The following BMPER variants were observed in gnomAD, a reference collection of about 807,000 sequenced individuals.
BMPER encodes the protein BMP binding endothelial regulator.
BMPER carries 45 observed loss-of-function variants against 87.3 expected under a neutral mutation model. The observed-to-expected ratio is 0.52, with a 90% CI of 0.41 to 0.66. The LOEUF (loss-of-function observed/expected upper bound fraction) is 0.66, where lower values mean the gene tolerates loss of function less well. Among genes scored for constraint, BMPER ranks in the 30% least tolerant of loss-of-function variants. The pLI is 0.00. For synonymous variants in BMPER, 326 were observed against 316.2 expected (o/e 1.03, Z -0.33); for missense variants, 784 against 867.5 (o/e 0.90, Z 1.21).
intron 6 of BMPER, among the ~76,000 whole-genome samples, chr7:34,040,960 C>T (rs1787816308): frequency 6.6e-6 from 1 of 152,130 alleles, no homozygotes; most frequent in African/African-American, 2.4e-5. Context: ...TTATCTAAGC[C>T]ATTTTGATAA....
intron 3 of BMPER, among the ~76,000 whole-genome samples, chr7:33,943,509 G>A (rs908618565): frequency 6.6e-6 from 1 of 152,148 alleles, no homozygotes; most frequent in African/African-American, 2.4e-5. Flanking sequence ...CAGGGAACCA[G>A]CTTGTCATTC....
intron 8 of BMPER, among the ~76,000 whole-genome samples, chr7:34,053,204 C>A: frequency 6.6e-6 from 1 of 152,200 alleles, no homozygotes; most frequent in East Asian, 1.9e-4. Context: ...ATAATTAATA[C>A]TCTTCCTCCA....
chr7:34,058,318 C>G (rs761870174), intron 10 of BMPER, among the ~76,000 whole-genome samples, 155 bp downstream of exon 10: 1 of 152,218 alleles, frequency 6.6e-6, no homozygotes, highest in Admixed American at 6.5e-5. Context: ...TTTGCTCATT[C>G]TTCTTGCAGA....
intron 13 of BMPER, among the ~76,000 whole-genome samples, chr7:34,141,708 A>G (rs1790878090): frequency 6.6e-6 from 1 of 151,696 alleles, no homozygotes; most frequent in South Asian, 2.1e-4. Context: ...GGTATCACTC[A>G]TCAAATAATC....
chr7:33,989,835 G>T (rs1786150889), intron 6 of BMPER, among the ~76,000 whole-genome samples: 1 of 152,178 alleles, frequency 6.6e-6, no homozygotes, highest in Non-Finnish European at 1.5e-5. Flanking sequence ...TCTACATGTG[G>T]CTATCCAGTT....
intron 6 of BMPER, among the ~76,000 whole-genome samples, chr7:34,039,551 G>T (rs2127954882): frequency 6.6e-6 from 1 of 151,402 alleles, no homozygotes; most frequent in Non-Finnish European, 1.5e-5. Flanking sequence ...GACCCCAAAT[G>T]TCAGGAGTGT....
intron 10 of BMPER, among the ~76,000 whole-genome samples, chr7:34,060,349 G>A (rs1788404157): frequency 6.6e-6 from 1 of 151,906 alleles, no homozygotes; most frequent in Non-Finnish European, 1.5e-5. Context: ...TCCTCTTGGG[G>A]CCGTCATTCC....
At chr7:33,973,250 A>C (rs970718626) in intron 5 of BMPER, among the ~76,000 whole-genome samples, 1 of 152,218 alleles carries the variant, frequency 6.6e-6, no homozygotes, top group African/African-American at 2.4e-5. Flanking sequence ...GTATGAAAGA[A>C]TTAAAGCTGC....
At chr7:34,105,480 A>C (rs1221662109) in intron 13 of BMPER, among the ~76,000 whole-genome samples, 1 of 152,228 alleles carries the variant, frequency 6.6e-6, no homozygotes, top group Admixed American at 6.5e-5. Context: ...TATTCTTGGA[A>C]ACCAAGTTCA....
At chr7:33,942,120 A>G (rs1235833878) in intron 3 of BMPER, among the ~76,000 whole-genome samples, 1 of 151,964 alleles carries the variant, frequency 6.6e-6, no homozygotes, top group African/African-American at 2.4e-5. Flanking sequence ...AGCTTACTAG[A>G]TGCTTCAGGT....
At chr7:33,921,382 A>T (rs560847266) in intron 2 of BMPER, among the ~76,000 whole-genome samples, 6 of 152,206 alleles carry the variant, frequency 3.9e-5, no homozygotes, top group Non-Finnish European at 8.8e-5. Context: ...AAGGCTCAGA[A>T]AAGAAAAAGC....
chr7:33,982,953 G>C lies in BMPER; in HGVS notation c.576+8169G>C, dbSNP rs190267629. Among the ~76,000 whole-genome samples, 50 of 152,238 alleles carry C rather than the reference G, an allele frequency of 3.3e-4. 1 individual carries two copies. In the East Asian group the frequency reaches 9.7e-3, roughly 29 times the overall value. On this transcript the variant is annotated intron_variant, in intron 6 of 14. Coordinates refer to ENST00000649409, the MANE Select transcript of BMPER (RefSeq NM_001365308.1). ...TCATTCAGTGTGAGGGCTTGATTTG[G>C]ACTGGGAAAATTTCATAATATGTTA...
intron 13 of BMPER, among the ~76,000 whole-genome samples, chr7:34,140,653 CAAT>C (rs36070340): frequency 0.73 from 111,316 of 151,876 alleles, 41,732 homozygotes; most frequent in East Asian, 0.91. Flanking sequence ...TCAACAGTCT[CAAT>C]GATTGGATTT....
intron 13 of BMPER, among the ~76,000 whole-genome samples, chr7:34,137,172 C>CT (rs1790740997): frequency 6.6e-6 from 1 of 152,100 alleles, no homozygotes; most frequent in Non-Finnish European, 1.5e-5. Flanking sequence ...TCATCAAATC[C>CT]TTTTTTTCCA....
At chr7:34,052,947 G>A (rs1788184720) in intron 8 of BMPER, among the ~76,000 whole-genome samples, 1 of 152,160 alleles carries the variant, frequency 6.6e-6, no homozygotes, top group Non-Finnish European at 1.5e-5. Context: ...TATGCTAAAT[G>A]TATAGCACCC....
chr7:33,995,458 C>T (rs1052767360), intron 6 of BMPER, among the ~76,000 whole-genome samples: 3 of 152,098 alleles, frequency 2.0e-5, no homozygotes, highest in Non-Finnish European at 4.4e-5. Flanking sequence ...CCTCCTGTTG[C>T]AAGGCTCTAT....
At position 34,079,143 on chromosome 7, in the gene BMPER, C is replaced by A. The variant is rs748130726; in HGVS notation, c.1365C>A (p.His455Gln). 2.5e-6 allele frequency: 4 copies of A among 1,613,996 alleles called. No homozygotes were observed. In the Admixed American group the frequency reaches 6.7e-5, roughly 27 times the overall value. The change falls in exon 12 of 15, where the codon CAC becomes CAA. Residue 455 changes from histidine (H) to glutamine (Q), a missense_variant. His to Gln is a conservative substitution (Grantham distance 24). Coordinates refer to ENST00000649409, the MANE Select transcript of BMPER (RefSeq NM_001365308.1). Reference sequence around the variant, plus strand: ...TCCCCTGCCGCGCGCCACACTTCCACATCGACCTGGATGGCTACCTCTTGA... The same window carrying A: ...TCCCCTGCCGCGCGCCACACTTCCAAATCGACCTGGATGGCTACCTCTTGA... ...IALPCRAPHF[H>Q]IDLDGYLLKV...
In BMPER at chr7:34,146,601, G is replaced by A. The variant is rs1791028593; in HGVS notation, c.1876+3241G>A. 2.6e-5 allele frequency among the ~76,000 whole-genome samples: 4 copies of A among 152,126 alleles called. No individual in the cohort carries two copies. In the South Asian group the frequency reaches 6.2e-4, roughly 24 times the overall value. ...TTATATTATATTTTATCTTGATAAT[G>A]CCCATAATACTTTATATGGTAACAT... On this transcript the variant is annotated intron_variant, in intron 14 of 14. Coordinates refer to ENST00000649409, the MANE Select transcript of BMPER (RefSeq NM_001365308.1).
At chr7:33,907,576 A>C (rs1166236467) in intron 2 of BMPER, among the ~76,000 whole-genome samples, 1 of 152,228 alleles carries the variant, frequency 6.6e-6, no homozygotes. Context: ...ATTTTAGTTT[A>C]GTAGTTAATG....
Sources: gnomAD v4.1 joint callset for allele counts (sites outside exome capture counted in the v4.1 genomes callset) on GRCh38, gnomAD v4.1.1 for gene constraint, MANE v1.5 for transcripts, NCBI Gene and HGNC (gene_info 2026-07-23, HGNC 2026-07-21) for gene names.